The following SMC3 variants were observed in gnomAD, a reference collection of about 807,000 sequenced individuals.
SMC3 encodes the protein structural maintenance of chromosomes protein 3.
A neutral mutation model predicts 171.8 loss-of-function variants in SMC3; 20 were observed. That is an observed-to-expected ratio of 0.12 (90% CI 0.08 to 0.17). The LOEUF is 0.17. Ranked by LOEUF, SMC3 falls within the 10% of genes least tolerant of loss-of-function variation. The pLI is 1.00. For missense variants in SMC3, 543 were observed against 1,420.4 expected (o/e 0.38, Z 9.93); for synonymous variants, 464 against 451.1 (o/e 1.03, Z -0.36).
At chr10:110,590,944 A>G (rs1861196009) in intron 16 of SMC3, 47 bp from the exon 17 acceptor site, 1 of 1,582,802 alleles carries the variant, frequency 6.3e-7, no homozygotes, top group Non-Finnish European at 8.7e-7. Flanking sequence ...CAACATAGGG[A>G]GACCCTGAGT....
rs7083749 is a variant in SMC3, at chr10:110,573,514, G to A, written c.92-193G>A. Reference sequence around the variant, plus strand: ...ATCTTTAAAGAAAAAACTATTAGAAGTCTGTACAAAAATTGAATTTATTTG... The same window carrying A: ...ATCTTTAAAGAAAAAACTATTAGAAATCTGTACAAAAATTGAATTTATTTG... On this transcript the variant is annotated intron_variant, in intron 2 of 28. Transcript: ENST00000361804. Among the ~76,000 whole-genome samples the A allele has an allele frequency of 0.98, 149,003 of 152,230 alleles. 72,988 individuals are homozygous for A. The highest frequency in any genetic ancestry group is 1 in the East Asian group (5,188 of 5,188).
chr10:110,582,691 CAG>C (rs766173082), intron 10 of SMC3, 49 bp downstream of exon 10: 5 of 1,399,020 alleles, frequency 3.6e-6, no homozygotes, highest in South Asian at 2.4e-5. Flanking sequence ...ACTTTTGAGA[CAG>C]GGTCTTGTTC....
chr10:110,569,950 G>A (rs1296585804), intron 2 of SMC3, among the ~76,000 whole-genome samples: 2 of 152,224 alleles, frequency 1.3e-5, no homozygotes, highest in East Asian at 1.9e-4. Flanking sequence ...TGTTGACACA[G>A]TTTTGCTGTA....
At position 110,583,832 on chromosome 10, in the gene SMC3, TGTTTA is replaced by T; in HGVS notation, c.970-8_970-4del. 6.2e-7 allele frequency: 1 copy of T among 1,611,826 alleles called. No individual in the cohort carries two copies. On this transcript the variant is annotated splice_region_variant and splice_polypyrimidine_tract_variant and intron_variant, in intron 11 of 28. Coordinates refer to ENST00000361804, the MANE Select transcript of SMC3 (RefSeq NM_005445.4). ...TTTAAAGCAGTTTGCATTTTTACTT[TGTTTA>T]CAGAAACGTTTATTAAAAGAGAGGC...
chr10:110,568,791 TAA>T, intron 1 of SMC3, 145 bp from the exon 2 acceptor site: 1 of 631,902 alleles, frequency 1.6e-6, no homozygotes, highest in Non-Finnish European at 2.8e-6. Context: ...AGCAGATTTT[TAA>T]TCACCACTTT....
chr10:110,570,725 G>A (rs897184743), intron 2 of SMC3, among the ~76,000 whole-genome samples: 1 of 152,156 alleles, frequency 6.6e-6, no homozygotes, highest in African/African-American at 2.4e-5. Flanking sequence ...AAATACCATT[G>A]TTTTAGCTGT....
chr10:110,590,702 A>G, intron 16 of SMC3, 130 bp downstream of exon 16: 1 of 795,470 alleles, frequency 1.3e-6, no homozygotes, highest in Non-Finnish European at 2.0e-6. Flanking sequence ...CTTTCTAATT[A>G]AAGAAGTAGA....
At chr10:110,585,918 C>T (rs1016177782) in intron 13 of SMC3, among the ~76,000 whole-genome samples, 2 of 152,048 alleles carry the variant, frequency 1.3e-5, no homozygotes, top group African/African-American at 4.8e-5. Flanking sequence ...CTGCGTCAGC[C>T]TCCCAAGTAG....
intron 23 of SMC3, among the ~76,000 whole-genome samples, 187 bp downstream of exon 23, chr10:110,601,317 T>C (rs1055397012): frequency 6.6e-6 from 1 of 152,226 alleles, no homozygotes; most frequent in African/African-American, 2.4e-5. Flanking sequence ...CTGAAATGTT[T>C]ATGACAATTT....
At chr10:110,602,400 CT>C in intron 25 of SMC3, 73 bp from the exon 26 acceptor site, 1 of 1,254,028 alleles carries the variant, frequency 8.0e-7, no homozygotes, top group Non-Finnish European at 1.1e-6. Context: ...TAATTGGTTG[CT>C]TTTAAATATT....
chr10:110,602,354 A>T, intron 25 of SMC3, 120 bp from the exon 26 acceptor site: 1 of 992,858 alleles, frequency 1.0e-6, no homozygotes, highest in Non-Finnish European at 1.6e-6. Flanking sequence ...CCTTAGAAGG[A>T]TCTAGTCTGT....
intron 18 of SMC3, among the ~76,000 whole-genome samples, chr10:110,595,618 A>T (rs1861287496): frequency 6.6e-6 from 1 of 152,168 alleles, no homozygotes. Context: ...CAGTTGTTAC[A>T]CTGGGGGGTT....
rs10884994 is a variant in SMC3 at position 110,605,578 on chromosome 10, T to C, written c.*1276T>C. Among the ~76,000 whole-genome samples the C allele has an allele frequency of 0.12, 17,776 of 152,200 alleles. 1,228 individuals are homozygous for C. The highest frequency in any genetic ancestry group is 0.26 in the East Asian group (1,356 of 5,178). On this transcript the variant is annotated 3_prime_UTR_variant, in exon 29 of 29. Transcript: ENST00000361804. ...TGGGACTTTAAATTGAATTTAAAAA[T>C]GTGAGTTTACTTTGGGTTTTCATTT...
chr10:110,595,312 T>C (rs1861281575), intron 18 of SMC3, among the ~76,000 whole-genome samples: 1 of 152,174 alleles, frequency 6.6e-6, no homozygotes, highest in African/African-American at 2.4e-5. Flanking sequence ...TTCCTCCTGC[T>C]CCCTTCTCCC....
intron 28 of SMC3, 29 bp from the exon 29 acceptor site, chr10:110,604,202 G>A (rs115863402): frequency 1.3e-6 from 2 of 1,488,840 alleles, no homozygotes; most frequent in Non-Finnish European, 1.9e-6. Context: ...GTAATTAACA[G>A]ATTTTTGTTT....
chr10:110,570,005 A>G (rs936565513), intron 2 of SMC3, among the ~76,000 whole-genome samples: 2 of 152,222 alleles, frequency 1.3e-5, no homozygotes, highest in African/African-American at 4.8e-5. Context: ...AGGCAGCCAT[A>G]ACAAAATACC....
rs1860932806 is a variant in SMC3, at chr10:110,575,400, G to A, written c.195G>A (p.Leu65=). 1.2e-6 allele frequency: 2 copies of A among 1,607,866 alleles called. No individual in the cohort carries two copies. Among genetic ancestry groups the A allele is most frequent in the Non-Finnish European group, 8.5e-7 (1 of 1,174,654 alleles). ...GTCCAGAACAGCGGTTGGCTTTATT[G>A]CATGTGAGTGAGACTGCTTTAAGAC... ...HLRPEQRLAL[L]HEGTGPRVIS... The change falls in exon 4 of 29, where the codon TTG becomes TTA. Residue 65 remains leucine (L), a synonymous_variant. Transcript: ENST00000361804.
intron 28 of SMC3, 45 bp downstream of exon 28, chr10:110,603,335 A>G (rs1564796389): frequency 8.3e-7 from 1 of 1,197,858 alleles, no homozygotes; most frequent in East Asian, 2.5e-5. Context: ...TTATTCAATT[A>G]TATTTGTTGA....
intron 18 of SMC3, 41 bp downstream of exon 18, chr10:110,593,264 AAC>A: frequency 6.3e-7 from 1 of 1,592,822 alleles, no homozygotes; most frequent in Non-Finnish European, 8.6e-7. Context: ...GATAAATTCT[AAC>A]AAATCATTTA....
Sources: allele counts gnomAD v4.1 joint callset (sites outside exome capture counted in the v4.1 genomes callset), GRCh38; gene constraint gnomAD v4.1.1; transcripts MANE v1.5; gene names NCBI Gene and HGNC (gene_info 2026-07-23, HGNC 2026-07-21).